CYSTM1: variants seen among roughly 807,000 people sequenced by gnomAD.
The protein encoded by CYSTM1 is cysteine-rich transmembrane module-containing protein 1.
In CYSTM1, 4 loss-of-function variants were observed where a neutral mutation model predicts 13.1. The observed-to-expected ratio is 0.31, with a 90% CI of 0.15 to 0.70. The LOEUF is 0.70. Among genes scored for constraint, CYSTM1 ranks in the 30% least tolerant of loss-of-function variants. CYSTM1 has a pLI of 0.72. For synonymous variants in CYSTM1, 36 were observed against 42.7 expected, an observed-to-expected ratio of 0.84 and a Z score of 0.62; for missense variants, 96 against 121.6, an observed-to-expected ratio of 0.79 and a Z score of 0.99.
At chr5:140,202,916 G>C (rs1462663425) in intron 2 of CYSTM1, 1 of 152,068 alleles carries the variant, frequency 6.6e-6, no homozygotes, top group Non-Finnish European at 1.5e-5. Flanking sequence ...TCTGTCAGCT[G>C]TTTCAGTTCC....
intron 1 of CYSTM1, among the ~76,000 whole-genome samples, chr5:140,179,427 C>T (rs1190762391): frequency 6.6e-6 from 1 of 151,440 alleles, no homozygotes; most frequent in Non-Finnish European, 1.5e-5. Flanking sequence ...AGCATGGTGG[C>T]ATACGCCTGT....
chr5:140,210,447 T>C (rs1764351368), intron 2 of CYSTM1, among the ~76,000 whole-genome samples: 1 of 152,184 alleles, frequency 6.6e-6, no homozygotes, highest in Non-Finnish European at 1.5e-5. Context: ...AAATGTCCCC[T>C]AGGGGCCAAC....
chr5:140,225,081 C>T (rs1395284677), intron 2 of CYSTM1, among the ~76,000 whole-genome samples: 1 of 152,140 alleles, frequency 6.6e-6, no homozygotes, highest in East Asian at 1.9e-4. Context: ...ACTTGGGAAG[C>T]AGAGGTTAAA....
intron 1 of CYSTM1, among the ~76,000 whole-genome samples, chr5:140,179,975 T>C (rs1763944860): frequency 6.6e-6 from 1 of 152,174 alleles, no homozygotes; most frequent in South Asian, 2.1e-4. Context: ...ACTCTCTTTT[T>C]TCTTTTATTC....
chr5:140,191,307 C>T (rs998956086), intron 1 of CYSTM1, among the ~76,000 whole-genome samples: 1 of 151,680 alleles, frequency 6.6e-6, no homozygotes, highest in Non-Finnish European at 1.5e-5. Context: ...AGCTGGAGCA[C>T]CTTTGTAGTT....
intron 1 of CYSTM1, among the ~76,000 whole-genome samples, chr5:140,180,547 A>T (rs1303132565): frequency 2.6e-5 from 4 of 152,240 alleles, no homozygotes. Context: ...CCCACTTTAC[A>T]ACCAAAAATG....
intron 1 of CYSTM1, among the ~76,000 whole-genome samples, chr5:140,187,047 A>AC (rs2126654472): frequency 6.6e-6 from 1 of 152,110 alleles, no homozygotes; most frequent in South Asian, 2.1e-4. Flanking sequence ...AATCGCTTGA[A>AC]CCCGGAAGGC....
intron 2 of CYSTM1, among the ~76,000 whole-genome samples, chr5:140,242,014 G>T (rs1290522937): frequency 6.6e-6 from 1 of 152,234 alleles, no homozygotes; most frequent in Non-Finnish European, 1.5e-5. Context: ...TTCCTTGCCT[G>T]TGAAGTGGGA....
intron 2 of CYSTM1, among the ~76,000 whole-genome samples, chr5:140,240,871 T>C (rs1002132877): frequency 6.6e-6 from 1 of 152,104 alleles, no homozygotes; most frequent in African/African-American, 2.4e-5. Context: ...CTACTCCCCA[T>C]TGCCCATCCT....
At chr5:140,226,627 G>A (rs1764560712) in intron 2 of CYSTM1, among the ~76,000 whole-genome samples, 1 of 94,678 alleles carries the variant, frequency 1.1e-5, no homozygotes, top group Non-Finnish European at 2.2e-5. Flanking sequence ...TTAGCCAGAT[G>A]TGATGGCGCA....
At chr5:140,198,943 T>A (rs1448230245) in intron 2 of CYSTM1, among the ~76,000 whole-genome samples, 1 of 152,188 alleles carries the variant, frequency 6.6e-6, no homozygotes, top group Non-Finnish European at 1.5e-5. Flanking sequence ...CTCCTAATGC[T>A]ATCCCTCCCC....
intron 2 of CYSTM1, among the ~76,000 whole-genome samples, chr5:140,238,835 A>G (rs1438054002): frequency 1.3e-5 from 2 of 152,206 alleles, no homozygotes; most frequent in Non-Finnish European, 2.9e-5. Context: ...TAGATGCCCA[A>G]TGCGGGGCAA....
At chr5:140,179,541 CAG>C (rs1196063503) in intron 1 of CYSTM1, among the ~76,000 whole-genome samples, 2 of 151,872 alleles carry the variant, frequency 1.3e-5, no homozygotes, top group Admixed American at 6.6e-5. Context: ...GCCTGGGAGA[CAG>C]AGGAAGACTC....
intron 2 of CYSTM1, among the ~76,000 whole-genome samples, chr5:140,199,326 A>G (rs1426553440): frequency 1.3e-5 from 2 of 152,184 alleles, no homozygotes; most frequent in Admixed American, 1.3e-4. Flanking sequence ...ATACCCAGTA[A>G]TGGGATTGCT....
intron 2 of CYSTM1, among the ~76,000 whole-genome samples, chr5:140,222,642 G>A (rs1764505014): frequency 1.3e-5 from 2 of 152,380 alleles, no homozygotes; most frequent in East Asian, 3.9e-4. Flanking sequence ...TGTGGGCCAT[G>A]TGGCTCTTGT....
intron 2 of CYSTM1, among the ~76,000 whole-genome samples, chr5:140,214,390 A>T (rs1561814306): frequency 6.6e-6 from 1 of 152,214 alleles, no homozygotes; most frequent in East Asian, 1.9e-4. Flanking sequence ...ACTCAGAGGT[A>T]ATGGAGTGAG....
chr5:140,198,957 C>T (rs899247508), intron 2 of CYSTM1, among the ~76,000 whole-genome samples: 1 of 152,024 alleles, frequency 6.6e-6, no homozygotes, highest in Admixed American at 6.6e-5. Context: ...CCTCCCCTAG[C>T]CCCCCAACTC....
At chr5:140,196,846 C>T (rs1764164774) in intron 2 of CYSTM1, among the ~76,000 whole-genome samples, 1 of 152,158 alleles carries the variant, frequency 6.6e-6, no homozygotes, top group African/African-American at 2.4e-5. Flanking sequence ...AATGGTTACT[C>T]CTGGCTGTGG....
Position 140,192,320 on chromosome 5 carries a change from C to A in CYSTM1, c.-20-2126C>A, listed in dbSNP as rs76750364. Among the ~76,000 whole-genome samples the A allele has an allele frequency of 2.3e-4, 35 of 152,274 alleles. No individual in the cohort carries two copies. In the East Asian group the frequency reaches 6.6e-3, roughly 29 times the overall value. ...AGGGTAGGGTTTGAGGCATATTGAT[C>A]TCTATACCCCACTACTTAGCCCAGT... is the stretch of plus-strand genomic sequence containing the variant. On this transcript the variant is annotated intron_variant, in intron 1 of 2. Transcript: ENST00000261811.
Sources: allele counts gnomAD v4.1 joint callset (sites outside exome capture counted in the v4.1 genomes callset), GRCh38; gene constraint gnomAD v4.1.1; transcripts MANE v1.5; gene names NCBI Gene and HGNC (gene_info 2026-07-23, HGNC 2026-07-21).